Variants in GPR158 observed in about 807,000 individuals in gnomAD.
The protein encoded by GPR158 is metabotropic glycine receptor.
A neutral mutation model predicts 78.2 loss-of-function variants in GPR158; 30 were observed. That is an observed-to-expected ratio of 0.38 (90% CI 0.29 to 0.52). The LOEUF (loss-of-function observed/expected upper bound fraction) is 0.52, where lower values mean the gene tolerates loss of function less well. Among genes scored for constraint, GPR158 ranks in the 20% least tolerant of loss-of-function variants. The probability of loss-of-function intolerance (pLI) is 0.83; values close to 1 mark genes in which losing one functional copy is unlikely to be tolerated. For missense variants in GPR158, 1,463 were observed against 1,523.5 expected, an observed-to-expected ratio of 0.96 and a Z score of 0.66; for synonymous variants, 581 against 591.1, an observed-to-expected ratio of 0.98 and a Z score of 0.25.
intron 4 of GPR158, among the ~76,000 whole-genome samples, chr10:25,446,769 G>C (rs1019875821): frequency 1.3e-5 from 2 of 152,146 alleles, no homozygotes; most frequent in Non-Finnish European, 2.9e-5. Flanking sequence ...TAGGTAATAT[G>C]AATAGATTCT....
chr10:25,276,022 GTCTGTT>G (rs1480083042), intron 2 of GPR158, among the ~76,000 whole-genome samples: 2 of 152,060 alleles, frequency 1.3e-5, no homozygotes, highest in Non-Finnish European at 2.9e-5. Context: ...TGCTTCCCAG[GTCTGTT>G]TCTATTTATT....
intron 2 of GPR158, among the ~76,000 whole-genome samples, chr10:25,367,547 A>C (rs1456765319): frequency 1.3e-5 from 2 of 151,816 alleles, no homozygotes; most frequent in Non-Finnish European, 2.9e-5. Flanking sequence ...TATTATAGCC[A>C]TAGATGAATT....
At chr10:25,251,905 G>C (rs1477756738) in intron 2 of GPR158, among the ~76,000 whole-genome samples, 1 of 152,104 alleles carries the variant, frequency 6.6e-6, no homozygotes, top group Non-Finnish European at 1.5e-5. Flanking sequence ...ATCCTGCAGA[G>C]TGTTTTCCAA....
intron 1 of GPR158, among the ~76,000 whole-genome samples, chr10:25,210,894 G>T (rs570058580): frequency 6.6e-6 from 1 of 152,162 alleles, no homozygotes; most frequent in Non-Finnish European, 1.5e-5. Context: ...AGCACTTTGG[G>T]AGGCCGAGGT....
At position 25,236,712 on chromosome 10, in the gene GPR158, C is replaced by T. The variant is rs142273998; in HGVS notation, c.1008+15555C>T. On this transcript the variant is annotated intron_variant, in intron 2 of 10. Transcript: ENST00000376351. ...AGTCCTAGAGTTGCTCTCGGTGAGC[C>T]TTTAGCAGCCTATTCTCCACTTCAG... 5.8e-3 allele frequency among the ~76,000 whole-genome samples: 875 copies of T among 151,842 alleles called. 6 individuals carry two copies. Among genetic ancestry groups the T allele is most frequent in the Non-Finnish European group, 5.7e-3 (386 of 67,968 alleles).
intron 4 of GPR158, among the ~76,000 whole-genome samples, chr10:25,420,119 T>A (rs1331249927): frequency 6.6e-6 from 1 of 152,160 alleles, no homozygotes; most frequent in Non-Finnish European, 1.5e-5. Context: ...TTCTTTTTAC[T>A]TTCTTAATAG....
intron 5 of GPR158, among the ~76,000 whole-genome samples, chr10:25,505,946 C>T (rs537796734): frequency 2.6e-5 from 4 of 152,232 alleles, no homozygotes; most frequent in South Asian, 4.1e-4. Flanking sequence ...ATGATGTAGG[C>T]ACAGCTTTGT....
At chr10:25,464,986 A>G (rs577608923) in intron 4 of GPR158, among the ~76,000 whole-genome samples, 22 of 152,308 alleles carry the variant, frequency 1.4e-4, no homozygotes, top group African/African-American at 5.0e-4. Context: ...CTGTTCACTG[A>G]CTAAACTTGT....
chr10:25,340,162 G>A (rs1289207363), intron 2 of GPR158, among the ~76,000 whole-genome samples: 1 of 151,988 alleles, frequency 6.6e-6, no homozygotes, highest in Non-Finnish European at 1.5e-5. Context: ...CTTCCCTCAG[G>A]ATCTTGGATC....
chr10:25,417,542 C>T (rs1170297150), intron 4 of GPR158, among the ~76,000 whole-genome samples: 1 of 152,036 alleles, frequency 6.6e-6, no homozygotes, highest in Non-Finnish European at 1.5e-5. Context: ...GCTGCAAATC[C>T]TTCATATAAA....
chr10:25,456,402 C>T (rs932046810), intron 4 of GPR158, among the ~76,000 whole-genome samples: 1 of 152,188 alleles, frequency 6.6e-6, no homozygotes, highest in African/African-American at 2.4e-5. Flanking sequence ...ATTTCATACA[C>T]TTCCAAGCAT....
chr10:25,221,569 A>G (rs1318596379), intron 2 of GPR158, among the ~76,000 whole-genome samples: 1 of 152,180 alleles, frequency 6.6e-6, no homozygotes, highest in East Asian at 1.9e-4. Flanking sequence ...AGCACTAGAG[A>G]AGGCATGGTG....
At chr10:25,540,992 AC>A (rs1836575207) in intron 5 of GPR158, among the ~76,000 whole-genome samples, 1 of 148,708 alleles carries the variant, frequency 6.7e-6, no homozygotes, top group African/African-American at 2.5e-5. Context: ...TTTATCTAAA[AC>A]CTACACCTAC....
At chr10:25,560,547 G>A (rs1190373508) in intron 6 of GPR158, among the ~76,000 whole-genome samples, 2 of 152,220 alleles carry the variant, frequency 1.3e-5, no homozygotes, top group African/African-American at 4.8e-5. Context: ...TTACAGGTGT[G>A]AGCCATTGCG....
intron 5 of GPR158, among the ~76,000 whole-genome samples, chr10:25,503,137 G>A (rs1835963525): frequency 6.6e-6 from 1 of 151,900 alleles, no homozygotes; most frequent in South Asian, 2.1e-4. Context: ...AGCACTATGG[G>A]AGGATCTAAG....
intron 2 of GPR158, among the ~76,000 whole-genome samples, chr10:25,229,945 T>G (rs560974857): frequency 1.2e-4 from 18 of 152,176 alleles, no homozygotes; most frequent in Admixed American, 5.2e-4. Flanking sequence ...AGTCTAAGGC[T>G]ATATATTAGG....
intron 1 of GPR158, among the ~76,000 whole-genome samples, chr10:25,219,551 A>C (rs1853269130): frequency 1.3e-5 from 2 of 152,162 alleles, no homozygotes; most frequent in African/African-American, 2.4e-5. Context: ...TGGAAAATCA[A>C]CTCAAACATA....
At chr10:25,372,029 G>C (rs931757237) in intron 2 of GPR158, among the ~76,000 whole-genome samples, 1 of 151,458 alleles carries the variant, frequency 6.6e-6, no homozygotes, top group Non-Finnish European at 1.5e-5. Context: ...AAACAACCCC[G>C]TCAAAAAGTG....
chr10:25,456,445 A>G (rs1030341874), intron 4 of GPR158, among the ~76,000 whole-genome samples: 24 of 152,206 alleles, frequency 1.6e-4, no homozygotes, highest in African/African-American at 5.5e-4. Flanking sequence ...TTAAAGATAA[A>G]CTTAACAGTT....
Sources: gnomAD v4.1 joint callset for allele counts (sites outside exome capture counted in the v4.1 genomes callset) on GRCh38, gnomAD v4.1.1 for gene constraint, MANE v1.5 for transcripts, NCBI Gene and HGNC (gene_info 2026-07-23, HGNC 2026-07-21) for gene names.